PDE1A: variants seen among roughly 807,000 people sequenced by gnomAD.
PDE1A encodes phosphodiesterase 1A.
A neutral mutation model predicts 61.7 loss-of-function variants in PDE1A; 35 were observed. That is an observed-to-expected ratio of 0.57 (90% CI 0.43 to 0.75). PDE1A has a LOEUF of 0.75. Ranked by LOEUF, PDE1A falls within the 30% of genes least tolerant of loss-of-function variation. The pLI is 0.00. For synonymous variants in PDE1A, 232 were observed against 213.2 expected (o/e 1.09, Z -0.77); for missense variants, 597 against 630.6 (o/e 0.95, Z 0.57).
chr2:182,183,481 C>T (rs770914262), intron 13 of PDE1A, among the ~76,000 whole-genome samples: 2 of 152,064 alleles, frequency 1.3e-5, no homozygotes, highest in Non-Finnish European at 2.9e-5. Context: ...GTAGAATCAA[C>T]TTGGAATGGG....
At chr2:182,563,235 C>T in the PDE1A span, among the ~76,000 whole-genome samples, 1 of 152,074 alleles carries the variant, frequency 6.6e-6, no homozygotes, top group African/African-American at 2.4e-5. Flanking sequence ...AAATGTGTCC[C>T]AGAGAGTCTG....
At chr2:182,430,587 C>T (rs1296070419), upstream of PDE1A, among the ~76,000 whole-genome samples, 1 of 73,170 alleles carries the variant, frequency 1.4e-5, no homozygotes, top group African/African-American at 4.9e-5. Flanking sequence ...TACCATTTGA[C>T]CCAGCCATCC....
At chr2:182,306,442 A>G (rs1695589147) in intron 1 of PDE1A, among the ~76,000 whole-genome samples, 1 of 152,000 alleles carries the variant, frequency 6.6e-6, no homozygotes, top group South Asian at 2.1e-4. Context: ...CATTTTTCAC[A>G]GAAATAGGAA....
intron 2 of PDE1A, among the ~76,000 whole-genome samples, chr2:182,475,344 C>T (rs1246119654): frequency 2.0e-5 from 3 of 151,934 alleles, no homozygotes; most frequent in African/African-American, 7.2e-5. Flanking sequence ...GGAGGCAAGA[C>T]AGGTTAAGAA....
chr2:182,237,681 T>TG (rs1690139615), intron 3 of PDE1A, among the ~76,000 whole-genome samples: 1 of 152,070 alleles, frequency 6.6e-6, no homozygotes, highest in Non-Finnish European at 1.5e-5. Context: ...AACCACTGGC[T>TG]GGGGGCAGCA....
chr2:182,366,632 C>CGTG (rs1699853025), intron 1 of PDE1A, among the ~76,000 whole-genome samples: 1 of 70,904 alleles, frequency 1.4e-5, no homozygotes, highest in African/African-American at 5.1e-5. Context: ...GCTCATTTCA[C>CGTG]ATGAGACATT....
intron 6 of PDE1A, among the ~76,000 whole-genome samples, chr2:182,225,920 A>T (rs1269565534): frequency 1.3e-5 from 2 of 149,876 alleles, no homozygotes; most frequent in Admixed American, 1.3e-4. Flanking sequence ...GTGTTCATAG[A>T]CACATTTAAT....
intron 1 of PDE1A, among the ~76,000 whole-genome samples, chr2:182,332,011 A>G (rs1697444124): frequency 6.6e-6 from 1 of 151,904 alleles, no homozygotes; most frequent in South Asian, 2.1e-4. Context: ...TGGTCTTTTC[A>G]CATAGTCTTA....
At chr2:182,289,611 G>T (rs1221209556) in intron 1 of PDE1A, among the ~76,000 whole-genome samples, 2 of 152,038 alleles carry the variant, frequency 1.3e-5, no homozygotes, top group African/African-American at 4.8e-5. Flanking sequence ...GGCCCTTTTA[G>T]CTTTTAACAG....
At chr2:182,690,006 A>G in the PDE1A span, among the ~76,000 whole-genome samples, 1 of 152,228 alleles carries the variant, frequency 6.6e-6, no homozygotes, top group Non-Finnish European at 1.5e-5. Context: ...GTAATAGACC[A>G]ATAACAGGCT....
intron 1 of PDE1A, among the ~76,000 whole-genome samples, chr2:182,390,681 G>C (rs894807534): frequency 6.6e-6 from 1 of 152,134 alleles, no homozygotes; most frequent in Non-Finnish European, 1.5e-5. Context: ...TGCAACAAAA[G>C]GTGCACACTC....
At chr2:182,670,078 G>A in the PDE1A span, among the ~76,000 whole-genome samples, 1 of 152,146 alleles carries the variant, frequency 6.6e-6, no homozygotes, top group South Asian at 2.1e-4. Flanking sequence ...CACTGCCACA[G>A]GGCCATGCAG....
the PDE1A span, among the ~76,000 whole-genome samples, chr2:182,531,362 A>C: frequency 1.6e-5 from 2 of 128,220 alleles, no homozygotes; most frequent in Non-Finnish European, 3.2e-5. Context: ...CAAATGGATT[A>C]AAAGTAAAAA....
chr2:182,572,738 T>C, the PDE1A span, among the ~76,000 whole-genome samples: 1 of 151,688 alleles, frequency 6.6e-6, no homozygotes, highest in Admixed American at 6.6e-5. Flanking sequence ...GACATGGTGG[T>C]GGGCGCCTGT....
At chr2:182,695,030 T>G in the PDE1A span, among the ~76,000 whole-genome samples, 21 of 152,210 alleles carry the variant, frequency 1.4e-4, no homozygotes, top group East Asian at 1.9e-3. Flanking sequence ...CAGAAAAGCA[T>G]TTAGATTACA....
chr2:182,221,030 A>G (rs186925016), intron 7 of PDE1A, among the ~76,000 whole-genome samples: 1 of 152,004 alleles, frequency 6.6e-6, no homozygotes, highest in African/African-American at 2.4e-5. Context: ...TAAAATATAA[A>G]TTGAAAAAAA....
At chr2:182,610,219 C>A in the PDE1A span, among the ~76,000 whole-genome samples, 2 of 152,210 alleles carry the variant, frequency 1.3e-5, no homozygotes, top group East Asian at 3.8e-4. Context: ...TATTTCTATA[C>A]AGCTCTTTAT....
intron 1 of PDE1A, chr2:182,522,454 TAC>T: frequency 6.3e-7 from 1 of 1,595,872 alleles, no homozygotes; most frequent in Non-Finnish European, 8.5e-7. Context: ...TTACAAATCT[TAC>T]ACACTTATAC....
At chr2:182,424,418 G>C (rs1418383693) in intron 1 of PDE1A, among the ~76,000 whole-genome samples, 1 of 152,138 alleles carries the variant, frequency 6.6e-6, no homozygotes, top group Non-Finnish European at 1.5e-5. Context: ...CTAGGAAGTG[G>C]GGTGCAGTTA....
Sources: gnomAD v4.1 joint callset for allele counts (sites outside exome capture counted in the v4.1 genomes callset) on GRCh38, gnomAD v4.1.1 for gene constraint, MANE v1.5 for transcripts, NCBI Gene and HGNC (gene_info 2026-07-23, HGNC 2026-07-21) for gene names.